The following MTMR12 variants were observed in gnomAD, a reference collection of about 807,000 sequenced individuals.
The protein encoded by MTMR12 is myotubularin related protein 12.
Under a neutral mutation model 96.7 loss-of-function variants are expected in MTMR12, and 33 were observed. The observed-to-expected ratio is 0.34, with a 90% CI of 0.26 to 0.46. The LOEUF (loss-of-function observed/expected upper bound fraction) is 0.46. Ranked by LOEUF, MTMR12 falls within the 20% of genes least tolerant of loss-of-function variation. The pLI is 1.00. For synonymous variants in MTMR12, 298 were observed against 327.2 expected (o/e 0.91, Z 0.96); for missense variants, 721 against 896.1 (o/e 0.80, Z 2.49).
chr5:32,288,917 T>C (rs76719757), intron 1 of MTMR12, among the ~76,000 whole-genome samples: 1,757 of 152,272 alleles, frequency 0.012, 14 homozygotes, highest in Non-Finnish European at 0.018. Flanking sequence ...CCAGAAGATA[T>C]ATCCTTGACC....
At position 32,239,098 on chromosome 5, in the gene MTMR12, C is replaced by T. The variant is rs1354457045; in HGVS notation, c.1247G>A (p.Arg416Lys). 1 of 1,610,200 alleles carries T rather than the reference C, an allele frequency of 6.2e-7. No homozygotes were observed. Residue 416 changes from arginine to lysine, a missense_variant, in exon 13 of 16, where the codon AGA becomes AAA. Arg to Lys is a conservative substitution (Grantham distance 26). Coordinates refer to ENST00000382142, the MANE Select transcript of MTMR12 (RefSeq NM_001040446.3). ...TTGGATGAGGCTCTGGAAACCAATTCTGGTTCTGCAGTGGGGGTCCATCAT... is the reference window on the plus strand; with the variant it reads ...TTGGATGAGGCTCTGGAAACCAATTTTGGTTCTGCAGTGGGGGTCCATCAT... ...QLMMDPHCRT[R>K]IGFQSLIQKE...
intron 1 of MTMR12, among the ~76,000 whole-genome samples, chr5:32,305,107 G>A (rs1185846851): frequency 6.6e-6 from 1 of 151,232 alleles, no homozygotes; most frequent in Non-Finnish European, 1.5e-5. Context: ...CTTTTTTTTT[G>A]AGACGGGGTC....
At chr5:32,286,146 T>C (rs1267939785) in intron 1 of MTMR12, among the ~76,000 whole-genome samples, 1 of 152,098 alleles carries the variant, frequency 6.6e-6, no homozygotes, top group African/African-American at 2.4e-5. Flanking sequence ...CGAGACAAGC[T>C]TGGGCAACAT....
At chr5:32,274,178 A>G in intron 2 of MTMR12, 56 bp from the exon 3 acceptor site, 1 of 1,584,998 alleles carries the variant, frequency 6.3e-7, no homozygotes, top group Non-Finnish European at 8.6e-7. Context: ...TACGATATGC[A>G]AACACTAAAG....
In MTMR12 at chr5:32,312,770, G is replaced by A; in HGVS notation, c.69C>T (p.Tyr23=). The change falls in exon 1 of 16, where the codon TAC becomes TAT. Residue 23 remains tyrosine (Y), a synonymous_variant. Coordinates refer to ENST00000382142, the MANE Select transcript of MTMR12 (RefSeq NM_001040446.3). This position sits in a 1 kb window ranked among gnomAD's most constrained non-coding sequence, Gnocchi z 5.0. The part of the protein sequence containing the change: ...TKAPKPSFVS[Y]VRPEEIHTNE... The stretch of plus-strand genomic sequence containing the variant: ...GGCGCCCCCTCACCTCAGGGCGTAC[G>A]TACGACACGAAGGAGGGCTTGGGGG... 2.0e-6 allele frequency: 3 copies of A among 1,528,346 alleles called. No individual in the cohort carries two copies. The highest frequency in any genetic ancestry group is 2.8e-5 in the East Asian group (1 of 36,098). 94.7% of individuals were successfully genotyped at this position (1,528,346 alleles called of 1,614,324 possible).
At chr5:32,272,474 G>A (rs1021856008) in intron 3 of MTMR12, among the ~76,000 whole-genome samples, 1 of 151,928 alleles carries the variant, frequency 6.6e-6, no homozygotes. Context: ...CCACCTCTCA[G>A]GCTCAAGCTA....
chr5:32,252,036 T>C (rs145606972), intron 8 of MTMR12, among the ~76,000 whole-genome samples: 35 of 152,334 alleles, frequency 2.3e-4, no homozygotes, highest in African/African-American at 8.2e-4. Context: ...GCATCACCAG[T>C]GGTTTTCACG....
At chr5:32,259,445 C>G (rs1749272266) in intron 7 of MTMR12, among the ~76,000 whole-genome samples, 1 of 152,222 alleles carries the variant, frequency 6.6e-6, no homozygotes, top group African/African-American at 2.4e-5. Context: ...GTTCCTTGTT[C>G]TTACCCAAAC....
intron 12 of MTMR12, among the ~76,000 whole-genome samples, chr5:32,240,023 C>T (rs1300124366): frequency 1.3e-5 from 2 of 152,186 alleles, no homozygotes; most frequent in African/African-American, 4.8e-5. Context: ...TTCCCTTTCA[C>T]AAAAATAGGT....
At chr5:32,293,347 G>A (rs981347390) in intron 1 of MTMR12, among the ~76,000 whole-genome samples, 1 of 152,028 alleles carries the variant, frequency 6.6e-6, no homozygotes, top group Non-Finnish European at 1.5e-5. Context: ...TGAATATAAA[G>A]CAGGCAAAAA....
chr5:32,279,458 T>C (rs1056834941), intron 1 of MTMR12, among the ~76,000 whole-genome samples: 8 of 151,930 alleles, frequency 5.3e-5, no homozygotes, highest in South Asian at 4.1e-4. Context: ...GCAAGCTCCA[T>C]TGAACTCAGA....
intron 7 of MTMR12, among the ~76,000 whole-genome samples, chr5:32,260,737 A>AGGGGGGGGGGGGG (rs1749332400): frequency 7.2e-6 from 1 of 139,270 alleles, no homozygotes; most frequent in Admixed American, 7.1e-5. Flanking sequence ...GGCGGGGGGG[A>AGGGGGGGGGGGGG]GGGGGACCAG....
intron 1 of MTMR12, among the ~76,000 whole-genome samples, chr5:32,277,476 A>G (rs1750100269): frequency 1.3e-5 from 2 of 152,184 alleles, no homozygotes; most frequent in African/African-American, 4.8e-5. Context: ...AGATGGGCAG[A>G]TAACTTGAGG....
intron 7 of MTMR12, among the ~76,000 whole-genome samples, chr5:32,256,294 G>C (rs1040608014): frequency 6.6e-6 from 1 of 152,150 alleles, no homozygotes; most frequent in African/African-American, 2.4e-5. Flanking sequence ...TTACCAATAA[G>C]TACTGAACAT....
At chr5:32,270,192 G>A (rs1332967429) in intron 5 of MTMR12, among the ~76,000 whole-genome samples, 2 of 151,624 alleles carry the variant, frequency 1.3e-5, no homozygotes, top group African/African-American at 4.8e-5. Flanking sequence ...GTGACAGAGT[G>A]AGACTCGGTC....
At chr5:32,291,037 C>T (rs1452731630) in intron 1 of MTMR12, among the ~76,000 whole-genome samples, 1 of 152,136 alleles carries the variant, frequency 6.6e-6, no homozygotes, top group Non-Finnish European at 1.5e-5. Flanking sequence ...TGACTGGGCT[C>T]GAGCAGATCT....
At chr5:32,307,658 C>G (rs117215375) in intron 1 of MTMR12, among the ~76,000 whole-genome samples, 1 of 152,212 alleles carries the variant, frequency 6.6e-6, no homozygotes, top group East Asian at 1.9e-4. Flanking sequence ...ATCCATTTTA[C>G]TCTGGCAGCA....
Position 32,241,992 on chromosome 5 carries a change from T to C in MTMR12, c.1171+65A>G, listed in dbSNP as rs536637304. The stretch of plus-strand genomic sequence containing the variant: ...TTGTTTCCAAATACATAAAGCTACA[T>C]ATACAAAAATTGAATCTCAAGTGAA... On this transcript the variant is annotated intron_variant, in intron 12 of 15. Coordinates refer to ENST00000382142, the MANE Select transcript of MTMR12 (RefSeq NM_001040446.3). 5.9e-4 allele frequency: 779 copies of C among 1,326,948 alleles called. 15 individuals are homozygous for C. The South Asian group carries it at 8.5e-3, about 14-fold the overall frequency. 82.2% of individuals were successfully genotyped at this position (1,326,948 alleles called of 1,614,324 possible).
At chr5:32,241,430 G>C (rs1318240285) in intron 12 of MTMR12, among the ~76,000 whole-genome samples, 1 of 152,204 alleles carries the variant, frequency 6.6e-6, no homozygotes, top group Non-Finnish European at 1.5e-5. Context: ...AAGCTTGGGG[G>C]TATAAAGCAT....
Sources: gnomAD v4.1 joint callset for allele counts (sites outside exome capture counted in the v4.1 genomes callset) on GRCh38, gnomAD v4.1.1 for gene constraint, Gnocchi (gnomAD v3.1) non-coding constraint, MANE v1.5 for transcripts, NCBI Gene and HGNC (gene_info 2026-07-23, HGNC 2026-07-21) for gene names.